Variants in DDX60 observed in about 807,000 individuals in gnomAD.
DDX60 encodes the protein probable ATP-dependent RNA helicase DDX60.
A neutral mutation model predicts 212.8 loss-of-function variants in DDX60; 165 were observed. The ratio of observed to expected loss-of-function variants is 0.78; its 90% CI spans 0.68 to 0.88. DDX60 has a LOEUF of 0.88. Ranked by LOEUF, DDX60 falls within the 40% of genes least tolerant of loss-of-function variation. The pLI is 0.00. For missense variants in DDX60, 1,905 were observed against 2,003.9 expected, an observed-to-expected ratio of 0.95 and a Z score of 0.94; for synonymous variants, 703 against 685.3, an observed-to-expected ratio of 1.03 and a Z score of -0.40.
chr4:168,237,223 C>T, intron 32 of DDX60, 63 bp downstream of exon 32: 1 of 1,178,498 alleles, frequency 8.5e-7, no homozygotes, highest in Non-Finnish European at 1.1e-6. Flanking sequence ...TGTTGTTTTT[C>T]TACAAATCTG....
rs1025081215 is a variant in DDX60, at chr4:168,285,477, G to A, written c.1361C>T (p.Pro454Leu). ...TGACGTTGGAATAAAACCCAAATTG[G>A]GCACCATTTCATTGGAGCTGTCTGT... ...PIKDSSNEMVPNLGFIPTSSF... is the reference protein window; with the variant it reads ...PIKDSSNEMVLNLGFIPTSSF... The change falls in exon 11 of 38, where the codon CCC becomes CTC. Residue 454 changes from proline to leucine, a missense_variant. Physicochemically the swap from Pro to Leu is moderately conservative, Grantham distance 98. Transcript: ENST00000393743. 4.4e-6 allele frequency: 7 copies of A among 1,607,412 alleles called. No individual in the cohort carries two copies. The highest frequency in any genetic ancestry group is 2.2e-5 in the East Asian group (1 of 44,532).
chr4:168,246,822 T>C (rs1434929353), intron 29 of DDX60, among the ~76,000 whole-genome samples: 2 of 152,212 alleles, frequency 1.3e-5, no homozygotes, highest in South Asian at 2.1e-4. Context: ...ACATCTGTCA[T>C]CATTACGTAC....
intron 10 of DDX60, among the ~76,000 whole-genome samples, chr4:168,286,373 GTCC>G (rs1159327819): frequency 8.8e-6 from 1 of 113,594 alleles, no homozygotes; most frequent in Non-Finnish European, 1.8e-5. Flanking sequence ...ATTCTCTTGA[GTCC>G]TCCTTGATTT....
In DDX60 at chr4:168,224,390, CAAT is replaced by C; in HGVS notation, c.4682-8_4682-6del. On this transcript the variant is annotated splice_region_variant and splice_polypyrimidine_tract_variant and intron_variant, in intron 34 of 37. Transcript: ENST00000393743. Reference sequence around the variant, plus strand: ...CACATTCTTTACCTGTGAATTCTGACAATAATAGTTAGGGATAGATTAGTGTTT... The same window carrying C: ...CACATTCTTTACCTGTGAATTCTGACAATAGTTAGGGATAGATTAGTGTTT... The C allele has an allele frequency of 6.2e-7, 1 of 1,610,732 alleles. No homozygotes were observed. Among genetic ancestry groups the C allele is most frequent in the East Asian group, 2.2e-5 (1 of 44,694 alleles).
At chr4:168,270,597 CACAG>C (rs1284549881) in intron 19 of DDX60, among the ~76,000 whole-genome samples, 1 of 152,288 alleles carries the variant, frequency 6.6e-6, no homozygotes, top group Non-Finnish European at 1.5e-5. Flanking sequence ...TTCTAGATTG[CACAG>C]ACAAAGTTGT....
chr4:168,313,986 C>T (rs2149557020), intron 1 of DDX60, among the ~76,000 whole-genome samples: 1 of 152,280 alleles, frequency 6.6e-6, no homozygotes, highest in African/African-American at 2.4e-5. Flanking sequence ...TGGGCAATCC[C>T]TCCTTAATTT....
intron 30 of DDX60, among the ~76,000 whole-genome samples, chr4:168,239,362 A>T (rs549997601): frequency 1.4e-5 from 2 of 146,456 alleles, no homozygotes; most frequent in South Asian, 4.4e-4. Flanking sequence ...GATAGCAGAG[A>T]GATGATAGAA....
intron 8 of DDX60, among the ~76,000 whole-genome samples, chr4:168,288,605 T>G (rs1193786197): frequency 6.6e-6 from 1 of 152,250 alleles, no homozygotes; most frequent in Non-Finnish European, 1.5e-5. Context: ...TACCCACAGA[T>G]AGAATTCCAA....
Position 168,273,271 on chromosome 4 carries a change from T to C in DDX60, c.2574+8A>G, listed in dbSNP as rs1365639982. The C allele has an allele frequency of 1.9e-6, 3 of 1,609,654 alleles. No individual in the cohort carries two copies. In the African/African-American group the frequency reaches 4.0e-5, roughly 22 times the overall value. Reference sequence around the variant, plus strand: ...TTGATAACACACTTATTAATTAAAATACCCTACCTGACAGTTTAAGGCATC... The same window carrying C: ...TTGATAACACACTTATTAATTAAAACACCCTACCTGACAGTTTAAGGCATC... On this transcript the variant is annotated splice_region_variant and intron_variant, in intron 18 of 37. Transcript: ENST00000393743.
At chr4:168,233,199 T>G (rs1228551290) in intron 33 of DDX60, among the ~76,000 whole-genome samples, 2 of 151,758 alleles carry the variant, frequency 1.3e-5, no homozygotes, top group Non-Finnish European at 2.9e-5. Context: ...AATCAAAAAA[T>G]CAAAAATAAT....
chr4:168,309,095 G>A (rs1737019426), intron 3 of DDX60, among the ~76,000 whole-genome samples: 1 of 152,172 alleles, frequency 6.6e-6, no homozygotes, highest in African/African-American at 2.4e-5. Context: ...AGTACATACT[G>A]TACTACTGTA....
upstream of DDX60, among the ~76,000 whole-genome samples, chr4:168,319,678 C>T (rs551158776): frequency 2.6e-5 from 4 of 152,202 alleles, no homozygotes; most frequent in South Asian, 4.1e-4. Flanking sequence ...TCAGTGCCCT[C>T]GTATGCTTGA....
chr4:168,297,381 A>AGAAG, intron 6 of DDX60, among the ~76,000 whole-genome samples: 1 of 43,566 alleles, frequency 2.3e-5, no homozygotes. Context: ...AAAGAAAGAA[A>AGAAG]GAGAAAGAAA....
At chr4:168,285,974 GAAAGAAAGAAAGAA>G (rs1409011906) in intron 10 of DDX60, among the ~76,000 whole-genome samples, 2 of 43,058 alleles carry the variant, frequency 4.6e-5, no homozygotes, top group African/African-American at 5.7e-4. Flanking sequence ...AAGAATGAAA[GAAAGAAAGAAAGAA>G]AGAAAGAAAG....
At position 168,291,913 on chromosome 4, in the gene DDX60, A is replaced by G. The variant is rs202211287; in HGVS notation, c.883-7T>C. On this transcript the variant is annotated splice_region_variant and splice_polypyrimidine_tract_variant and intron_variant, in intron 7 of 37. Transcript: ENST00000393743. ...TTAAGCAATTACTGTTCACCTGAAT[A>G]AAATAAAGAAGGTATAAGCCAGAGA... The G allele has an allele frequency of 1.3e-6, 2 of 1,599,802 alleles. No homozygotes were observed. Among genetic ancestry groups the G allele is most frequent in the African/African-American group, 2.7e-5 (2 of 74,178 alleles).
chr4:168,217,912 C>T (rs1429442760), intron 37 of DDX60, among the ~76,000 whole-genome samples: 1 of 152,096 alleles, frequency 6.6e-6, no homozygotes, highest in African/African-American at 2.4e-5. Context: ...TTCTGACCTC[C>T]AGAATTGTAA....
intron 33 of DDX60, 148 bp from the exon 34 acceptor site, chr4:168,225,824 C>A (rs1733234702): frequency 1.3e-6 from 1 of 763,932 alleles, no homozygotes; most frequent in Non-Finnish European, 1.9e-6. Context: ...TTCATTTTTT[C>A]ACTGGTGAAG....
At chr4:168,308,787 CAATA>C (rs1737004498) in intron 3 of DDX60, among the ~76,000 whole-genome samples, 2 of 149,538 alleles carry the variant, frequency 1.3e-5, no homozygotes, top group South Asian at 2.1e-4. Context: ...ACTATATATT[CAATA>C]AATATATTAG....
chr4:168,311,436 A>G, intron 1 of DDX60, 71 bp from the exon 2 acceptor site: 1 of 587,426 alleles, frequency 1.7e-6, no homozygotes, highest in East Asian at 2.8e-5. Flanking sequence ...TATGTAAAGC[A>G]AAATATTAGA....
Sources: allele counts gnomAD v4.1 joint callset (sites outside exome capture counted in the v4.1 genomes callset), GRCh38; gene constraint gnomAD v4.1.1; transcripts MANE v1.5; gene names NCBI Gene and HGNC (gene_info 2026-07-23, HGNC 2026-07-21).